TUBGCP5: variants seen among roughly 807,000 people sequenced by gnomAD.
TUBGCP5 encodes the protein tubulin gamma complex component 5, also known as gamma-tubulin complex component 5.
In TUBGCP5, 98 loss-of-function variants were observed where a neutral mutation model predicts 134.7. That is an observed-to-expected ratio of 0.73 (90% confidence interval 0.62 to 0.86). The LOEUF (loss-of-function observed/expected upper bound fraction) is 0.86, where lower values mean the gene tolerates loss of function less well. Ranked by LOEUF, TUBGCP5 falls within the 40% of genes least tolerant of loss-of-function variation. The probability of loss-of-function intolerance (pLI) is 0.00; values close to 1 mark genes in which losing one functional copy is unlikely to be tolerated. For missense variants in TUBGCP5, 1,150 were observed against 1,244.8 expected (o/e 0.92, Z 1.15); for synonymous variants, 456 against 431.4 (o/e 1.06, Z -0.71).
In TUBGCP5 at chr15:23,017,724, G is replaced by A. The variant is rs761953422; in HGVS notation, c.1756+49C>T. 3.2e-6 allele frequency: 5 copies of A among 1,559,232 alleles called. No individual in the cohort carries two copies. In the South Asian group the frequency reaches 4.7e-5, roughly 15 times the overall value. On this transcript the variant is annotated intron_variant, in intron 13 of 22. Coordinates refer to ENST00000615383, the MANE Select transcript of TUBGCP5 (RefSeq NM_052903.6). ...GTATCAGGATGACAAGAGCGAGTAG[G>A]GTCAGGTGTCCCAACACCAAGAGAG...
chr15:22,984,045 G>C (rs1435196446), intron 23 of TUBGCP5, among the ~76,000 whole-genome samples: 10 of 151,326 alleles, frequency 6.6e-5, no homozygotes, highest in Admixed American at 2.6e-4. Flanking sequence ...ACTTGAACCC[G>C]AGAGTTGGAG....
At chr15:23,009,273 A>G (rs57609713) in intron 15 of TUBGCP5, among the ~76,000 whole-genome samples, 2 of 145,410 alleles carry the variant, frequency 1.4e-5, no homozygotes, top group Non-Finnish European at 3.0e-5. Flanking sequence ...AATTGCCATA[A>G]TTTTTTTTTT....
intron 11 of TUBGCP5, among the ~76,000 whole-genome samples, chr15:23,019,858 T>C (rs2065565143): frequency 6.6e-6 from 1 of 152,250 alleles, no homozygotes; most frequent in South Asian, 2.1e-4. Flanking sequence ...TCATATTGTT[T>C]GTAGTCCAGA....
intron 11 of TUBGCP5, among the ~76,000 whole-genome samples, chr15:23,021,375 T>C (rs1202644295): frequency 1.3e-5 from 2 of 152,004 alleles, no homozygotes; most frequent in African/African-American, 4.8e-5. Flanking sequence ...AAAGACAGAG[T>C]CTTACTATGT....
chr15:23,003,219 A>G, intron 20 of TUBGCP5, 66 bp from the exon 21 acceptor site: 1 of 1,465,968 alleles, frequency 6.8e-7, no homozygotes. Context: ...CAACACTTTT[A>G]CCTATTTTAA....
chr15:23,009,432 C>T (rs1011144886), intron 15 of TUBGCP5, among the ~76,000 whole-genome samples: 1 of 151,918 alleles, frequency 6.6e-6, no homozygotes, highest in Admixed American at 6.6e-5. Flanking sequence ...CCACGCCCGG[C>T]GAATTTTTTG....
chr15:23,039,338 G>A lies in TUBGCP5; in HGVS notation c.146+60C>T, dbSNP rs1437885474. On this transcript the variant is annotated intron_variant, in intron 1 of 22. Transcript: ENST00000615383. ...GCGCGCCCCGACCCCGGGCTGTGCGGGACCCACGCGCGGGCTCCGGGCTGT... is the reference window on the plus strand; with the variant it reads ...GCGCGCCCCGACCCCGGGCTGTGCGAGACCCACGCGCGGGCTCCGGGCTGT... 4 of 1,303,806 alleles carry A rather than the reference G, an allele frequency of 3.1e-6. No individual in the cohort carries two copies. The African/African-American group carries it at 6.2e-5, about 20-fold the overall frequency. The allele number at this position is 1,303,806 out of a possible 1,614,324, so 80.8% of individuals were successfully genotyped here.
At chr15:22,985,691 A>G (rs1020184992) in intron 23 of TUBGCP5, among the ~76,000 whole-genome samples, 2 of 151,762 alleles carry the variant, frequency 1.3e-5, no homozygotes, top group African/African-American at 2.4e-5. Context: ...TCTATTTCAC[A>G]CTCATTAGGA....
chr15:23,028,460 T>C (rs1295437023), intron 6 of TUBGCP5, among the ~76,000 whole-genome samples: 1 of 150,418 alleles, frequency 6.6e-6, no homozygotes, highest in Non-Finnish European at 1.5e-5. Flanking sequence ...ATCAAGCAAG[T>C]TTAGGTGAAG....
chr15:22,984,584 C>A (rs772784803), intron 23 of TUBGCP5, among the ~76,000 whole-genome samples: 1 of 151,860 alleles, frequency 6.6e-6, no homozygotes, highest in Non-Finnish European at 1.5e-5. Flanking sequence ...CATGCCACTG[C>A]ACTCCAACCT....
intron 23 of TUBGCP5, among the ~76,000 whole-genome samples, chr15:22,993,824 C>G (rs886738468): frequency 6.6e-6 from 1 of 150,454 alleles, no homozygotes; most frequent in African/African-American, 2.4e-5. Context: ...GGATTACAGG[C>G]GTGAGCCACC....
At chr15:23,019,538 C>T (rs1038870359) in intron 11 of TUBGCP5, among the ~76,000 whole-genome samples, 1 of 152,162 alleles carries the variant, frequency 6.6e-6, no homozygotes, top group African/African-American at 2.4e-5. Flanking sequence ...TGGCTCACGC[C>T]TGTGATCCCA....
chr15:23,018,312 A>G (rs2140517208), intron 12 of TUBGCP5, among the ~76,000 whole-genome samples: 1 of 152,350 alleles, frequency 6.6e-6, no homozygotes, highest in Admixed American at 6.5e-5. Flanking sequence ...TCTTTAGAAG[A>G]AGAATAAAAG....
intron 23 of TUBGCP5, among the ~76,000 whole-genome samples, chr15:22,988,968 C>G (rs2063769343): frequency 6.6e-6 from 1 of 151,800 alleles, no homozygotes; most frequent in Non-Finnish European, 1.5e-5. Flanking sequence ...TTCCCGGATC[C>G]TGCTCCTTCC....
Position 23,022,147 on chromosome 15 carries a change from G to A in TUBGCP5, c.1183C>T (p.Leu395Phe). ...CIINNDTTIT[L>F]AIVVDKLAPR... is the part of the protein sequence containing the mutation. Reference sequence around the variant, plus strand: ...GCCAACTTGTCCACCACTATTGCAAGAGTTATTGTAGTATCTGCAAATATC... The same window carrying A: ...GCCAACTTGTCCACCACTATTGCAAAAGTTATTGTAGTATCTGCAAATATC... The change falls in exon 11 of 23, where the codon CTT becomes TTT. Residue 395 changes from leucine to phenylalanine, a missense_variant. Transcript: ENST00000615383. The A allele has an allele frequency of 6.2e-7, 1 of 1,614,114 alleles. No individual in the cohort carries two copies.
chr15:23,024,868 T>C (rs1236722096), intron 8 of TUBGCP5, 38 bp from the exon 9 acceptor site: 4 of 1,267,392 alleles, frequency 3.2e-6, no homozygotes. Flanking sequence ...GTACTTTAAG[T>C]CTAGAAAAAT....
In TUBGCP5 at chr15:23,037,097, AC is replaced by A. The variant is rs775560623; in HGVS notation, c.200+1del. 6.2e-7 allele frequency: 1 copy of A among 1,613,752 alleles called. No homozygotes were observed. Among genetic ancestry groups the A allele is most frequent in the Non-Finnish European group, 8.5e-7 (1 of 1,179,870 alleles). The stretch of plus-strand genomic sequence containing the variant: ...GATGCGTATATATACACACTGACTT[AC>A]CCTTCGATTGTTTTTTCTATTTTGT... On this transcript the variant is annotated splice_donor_variant, in intron 2 of 22. Transcript: ENST00000615383. LOFTEE classifies it high-confidence loss of function.
At chr15:22,991,490 C>T (rs1464784498) in intron 23 of TUBGCP5, among the ~76,000 whole-genome samples, 1 of 152,178 alleles carries the variant, frequency 6.6e-6, no homozygotes, top group Non-Finnish European at 1.5e-5. Flanking sequence ...TACTAGAGTT[C>T]TTCCTGTGTT....
At position 23,030,759 on chromosome 15, in the gene TUBGCP5, A is replaced by T. The variant is rs1272744421; in HGVS notation, c.622+126T>A. On this transcript the variant is annotated intron_variant, in intron 6 of 22. Transcript: ENST00000615383. ...GAAAACATTACTAATGGTTTTAAAA[A>T]TTGGTTTTATAAGGATGGTAGAGCT... The T allele has an allele frequency of 3.9e-6, 4 of 1,013,114 alleles. No homozygotes were observed. In the African/African-American group the frequency reaches 6.6e-5, roughly 17 times the overall value. 62.8% of individuals were successfully genotyped at this position (1,013,114 alleles called of 1,614,324 possible).
Sources: gnomAD v4.1 joint callset for allele counts (sites outside exome capture counted in the v4.1 genomes callset) on GRCh38, gnomAD v4.1.1 for gene constraint, MANE v1.5 for transcripts, NCBI Gene and HGNC (gene_info 2026-07-23, HGNC 2026-07-21) for gene names.